The following ZYG11B variants were observed in gnomAD, a reference collection of about 807,000 sequenced individuals.
The protein encoded by ZYG11B is protein zyg-11 homolog B.
ZYG11B carries 36 observed loss-of-function variants against 82.4 expected under a neutral mutation model. The observed-to-expected ratio is 0.44, with a 90% CI of 0.33 to 0.58. The LOEUF is 0.58. Ranked by LOEUF, ZYG11B falls within the 20% of genes least tolerant of loss-of-function variation. ZYG11B has a pLI of 0.02. For synonymous variants in ZYG11B, 303 were observed against 312.8 expected (o/e 0.97, Z 0.33); for missense variants, 552 against 895.6 (o/e 0.62, Z 4.90).
At chr1:52,748,599 A>G (rs534541907) in intron 1 of ZYG11B, among the ~76,000 whole-genome samples, 2 of 152,360 alleles carry the variant, frequency 1.3e-5, no homozygotes, top group South Asian at 4.1e-4. Flanking sequence ...ATGGTGGCAC[A>G]TGCCTGTAAT....
chr1:52,796,061 A>G (rs1645003902), intron 6 of ZYG11B, among the ~76,000 whole-genome samples: 1 of 152,230 alleles, frequency 6.6e-6, no homozygotes, highest in Non-Finnish European at 1.5e-5. Context: ...GAAATGCCAA[A>G]TAGTTGGAAT....
intron 2 of ZYG11B, among the ~76,000 whole-genome samples, chr1:52,763,057 T>C (rs1644647974): frequency 2.0e-5 from 3 of 152,092 alleles, no homozygotes; most frequent in Non-Finnish European, 2.9e-5. Context: ...GACTGTTCTT[T>C]TCCCAGTCAA....
At position 52,743,402 on chromosome 1, in the gene ZYG11B, TAAAAA is replaced by T. The variant is rs71044414; in HGVS notation, c.31-13038_31-13034del. On this transcript the variant is annotated intron_variant, in intron 1 of 13. Coordinates refer to ENST00000294353, the MANE Select transcript of ZYG11B (RefSeq NM_024646.3). ...ACACCCAAGAATGATCAATAAATAC[TAAAAA>T]AAAAAAAAAAAAAAAAAGTAAAAGT... is the stretch of plus-strand genomic sequence containing the variant. Among the ~76,000 whole-genome samples the T allele has an allele frequency of 1.4e-4, 10 of 69,116 alleles. No individual in the cohort carries two copies. In the South Asian group the frequency reaches 1.7e-3, roughly 12 times the overall value. 45.3% of individuals were successfully genotyped at this position (69,116 alleles called of 152,430 possible).
intron 1 of ZYG11B, among the ~76,000 whole-genome samples, chr1:52,733,947 A>G (rs1021538624): frequency 2.6e-5 from 4 of 152,176 alleles, no homozygotes; most frequent in Non-Finnish European, 4.4e-5. Flanking sequence ...AAAATTTTAG[A>G]TAATTATTAA....
chr1:52,786,375 C>T (rs534651462), intron 5 of ZYG11B, among the ~76,000 whole-genome samples: 1 of 152,332 alleles, frequency 6.6e-6, no homozygotes, highest in East Asian at 1.9e-4. Flanking sequence ...TAAAATCCAT[C>T]AAATTGTACA....
intron 2 of ZYG11B, among the ~76,000 whole-genome samples, chr1:52,767,203 TTTG>T (rs1343805222): frequency 2.6e-5 from 4 of 151,744 alleles, no homozygotes; most frequent in South Asian, 2.1e-4. Flanking sequence ...TTTATTTTAT[TTTG>T]TTATTTTATG....
chr1:52,731,923 C>G (rs535843368), intron 1 of ZYG11B, among the ~76,000 whole-genome samples: 1 of 152,276 alleles, frequency 6.6e-6, no homozygotes, highest in East Asian at 1.9e-4. Flanking sequence ...CCGCCTCATC[C>G]AACTCAAGCA....
At chr1:52,766,092 CT>C (rs1644680900) in intron 2 of ZYG11B, among the ~76,000 whole-genome samples, 1 of 146,148 alleles carries the variant, frequency 6.8e-6, no homozygotes, top group South Asian at 2.2e-4. Flanking sequence ...TCATTTTTTT[CT>C]TTTTTTCCTT....
At chr1:52,818,493 C>A (rs554271188) in intron 13 of ZYG11B, among the ~76,000 whole-genome samples, 5 of 151,674 alleles carry the variant, frequency 3.3e-5, no homozygotes, top group East Asian at 1.9e-4. Flanking sequence ...AAAAAAAATT[C>A]TAGGATAGAG....
chr1:52,746,687 G>GTTTTT lies in ZYG11B; in HGVS notation c.31-9748_31-9744dup, dbSNP rs11446988. On this transcript the variant is annotated intron_variant, in intron 1 of 13. Transcript: ENST00000294353. ...ACCAAAAAAATAAAGATCGGCCACTGTTTTTTTTTTTTTTTTTTTTTTTTT... is the reference window on the plus strand; with the variant it reads ...ACCAAAAAAATAAAGATCGGCCACTGTTTTTTTTTTTTTTTTTTTTTTTTTTTTTT... Among the ~76,000 whole-genome samples the GTTTTT allele has an allele frequency of 2.1e-3, 70 of 33,500 alleles. 17 individuals are homozygous for GTTTTT. Among genetic ancestry groups the GTTTTT allele is most frequent in the African/African-American group, 7.9e-3 (63 of 7,962 alleles). 22.0% of individuals were successfully genotyped at this position (33,500 alleles called of 152,430 possible). A position where few individuals can be genotyped will look rare whatever the true frequency, so the allele number is the denominator to read the frequency against.
At chr1:52,803,247 CACATATATATATATATAT>C (rs1266523352) in intron 10 of ZYG11B, among the ~76,000 whole-genome samples, 4,004 of 54,162 alleles carry the variant, frequency 0.074, 257 homozygotes, top group East Asian at 0.097. Context: ...TATACACACA[CACATATATATATATATAT>C]ACACACACAC....
chr1:52,800,289 GA>G (rs1488673572), intron 8 of ZYG11B, among the ~76,000 whole-genome samples: 2 of 142,776 alleles, frequency 1.4e-5, no homozygotes, highest in South Asian at 2.3e-4. Flanking sequence ...AAAAAAAAAA[GA>G]AAAATGATTA....
intron 1 of ZYG11B, among the ~76,000 whole-genome samples, chr1:52,729,833 G>C (rs1216492242): frequency 6.6e-6 from 1 of 151,862 alleles, no homozygotes. Context: ...TTTTGAGGCA[G>C]GGTCTTGCTC....
intron 10 of ZYG11B, among the ~76,000 whole-genome samples, chr1:52,806,310 CTAAT>C (rs1358222286): frequency 3.3e-5 from 5 of 152,088 alleles, no homozygotes; most frequent in South Asian, 2.1e-4. Flanking sequence ...TTAATTAACA[CTAAT>C]TAATAATTAG....
intron 1 of ZYG11B, among the ~76,000 whole-genome samples, chr1:52,752,248 C>T (rs1013872082): frequency 2.0e-5 from 3 of 152,090 alleles, no homozygotes; most frequent in Admixed American, 2.0e-4. Flanking sequence ...GAAAATTTTA[C>T]TTACTTTAAT....
chr1:52,813,254 TGAGTGTG>T (rs1645199022), intron 10 of ZYG11B, among the ~76,000 whole-genome samples: 1 of 152,190 alleles, frequency 6.6e-6, no homozygotes, highest in South Asian at 2.1e-4. Context: ...GCTCTGTCTC[TGAGTGTG>T]GAGCTTTGTC....
chr1:52,787,297 G>A (rs7538076), intron 5 of ZYG11B, among the ~76,000 whole-genome samples: 2,569 of 152,188 alleles, frequency 0.017, 82 homozygotes, highest in African/African-American at 0.058. Context: ...ATGCAGAAGA[G>A]TACATACATG....
intron 12 of ZYG11B, 45 bp downstream of exon 12, chr1:52,813,957 A>G: frequency 1.3e-6 from 2 of 1,584,250 alleles, no homozygotes; most frequent in Non-Finnish European, 1.7e-6. Flanking sequence ...CCTAGTCTAG[A>G]GATCATTCCT....
intron 4 of ZYG11B, among the ~76,000 whole-genome samples, chr1:52,780,270 A>G (rs7538039): frequency 0.039 from 5,929 of 152,262 alleles, 363 homozygotes; most frequent in African/African-American, 0.13. Context: ...ATCACCAGCT[A>G]CTGTAGAAAA....
Sources: allele counts gnomAD v4.1 joint callset (sites outside exome capture counted in the v4.1 genomes callset), GRCh38; gene constraint gnomAD v4.1.1; transcripts MANE v1.5; gene names NCBI Gene and HGNC (gene_info 2026-07-23, HGNC 2026-07-21).